Variants in MOXD1 observed in about 807,000 individuals in gnomAD.
MOXD1 encodes the protein monooxygenase DBH like 1, also known as DBH-like monooxygenase protein 1.
MOXD1 carries 62 observed loss-of-function variants against 66.6 expected under a neutral mutation model. The observed-to-expected ratio is 0.93, with a 90% confidence interval of 0.76 to 1.15. MOXD1 has a LOEUF of 1.15. Among genes scored for constraint, MOXD1 ranks in the 50% most tolerant of loss-of-function variants. MOXD1 has a pLI of 0.00. For missense variants in MOXD1, 847 were observed against 754.6 expected (o/e 1.12, Z -1.44); for synonymous variants, 303 against 281.9 (o/e 1.07, Z -0.75).
intron 4 of MOXD1, among the ~76,000 whole-genome samples, chr6:132,350,073 T>C (rs1775773345): frequency 6.6e-6 from 1 of 152,222 alleles, no homozygotes; most frequent in Admixed American, 6.5e-5. Flanking sequence ...ACTCTGTGGG[T>C]TGTCTGTTTA....
chr6:132,401,034 C>T (rs1424494876), intron 1 of MOXD1, 129 bp downstream of exon 1: 14 of 1,212,040 alleles, frequency 1.2e-5, no homozygotes, highest in Non-Finnish European at 1.5e-5. Context: ...GTGAGCGTGG[C>T]CGGGGGCGCG....
chr6:132,297,051 T>C lies in MOXD1; in HGVS notation c.*102A>G. The C allele has an allele frequency of 4.9e-6, 6 of 1,224,036 alleles. No individual in the cohort carries two copies. Among genetic ancestry groups the C allele is most frequent in the Non-Finnish European group, 5.7e-6 (5 of 877,390 alleles). 75.8% of individuals were successfully genotyped at this position (1,224,036 alleles called of 1,614,324 possible). A position where few individuals can be genotyped will look rare whatever the true frequency, so the allele number is the denominator to read the frequency against. On this transcript the variant is annotated 3_prime_UTR_variant, in exon 12 of 12. Coordinates refer to ENST00000367963, the MANE Select transcript of MOXD1 (RefSeq NM_015529.4). ...AGGGAGGGAAAATGGGGAAGAAAAG[T>C]CTCCACACTCTTCATGCCCAAAGTG...
At chr6:132,312,363 C>A (rs921062005) in intron 10 of MOXD1, among the ~76,000 whole-genome samples, 21 of 152,010 alleles carry the variant, frequency 1.4e-4, no homozygotes, top group Non-Finnish European at 2.1e-4. Context: ...ATGCTGAATA[C>A]CAATTGGTAA....
intron 8 of MOXD1, among the ~76,000 whole-genome samples, chr6:132,322,279 A>G (rs1026581441): frequency 6.6e-6 from 1 of 152,196 alleles, no homozygotes; most frequent in African/African-American, 2.4e-5. Flanking sequence ...TTTTTACTAA[A>G]ATGAAACTTC....
chr6:132,395,289 A>T (rs1011924199), intron 1 of MOXD1, among the ~76,000 whole-genome samples: 5 of 152,214 alleles, frequency 3.3e-5, no homozygotes, highest in African/African-American at 4.8e-5. Flanking sequence ...CCAGATCTAT[A>T]AGAAATGCCA....
chr6:132,320,148 T>A (rs912691793), intron 9 of MOXD1, among the ~76,000 whole-genome samples: 1 of 152,210 alleles, frequency 6.6e-6, no homozygotes, highest in African/African-American at 2.4e-5. Context: ...CCTCTTTTAG[T>A]GTTCCTGAAA....
At chr6:132,385,675 G>T (rs1001723765) in intron 1 of MOXD1, among the ~76,000 whole-genome samples, 1 of 151,778 alleles carries the variant, frequency 6.6e-6, no homozygotes, top group Non-Finnish European at 1.5e-5. Context: ...GTAGAGGCAG[G>T]GTTTCACCAT....
At chr6:132,336,831 G>A (rs967852170) in intron 4 of MOXD1, among the ~76,000 whole-genome samples, 24 of 152,168 alleles carry the variant, frequency 1.6e-4, no homozygotes, top group Admixed American at 1.3e-3. Flanking sequence ...ATTCTCATGC[G>A]TCTACCATCT....
intron 4 of MOXD1, among the ~76,000 whole-genome samples, chr6:132,355,004 G>A (rs1218696482): frequency 2.6e-5 from 4 of 152,042 alleles, no homozygotes; most frequent in Admixed American, 6.6e-5. Flanking sequence ...CTCCCATCAT[G>A]CCCCTCCCCC....
At chr6:132,328,791 C>T (rs964408519) in intron 4 of MOXD1, among the ~76,000 whole-genome samples, 197 bp from the exon 5 acceptor site, 2 of 152,130 alleles carry the variant, frequency 1.3e-5, no homozygotes, top group Non-Finnish European at 2.9e-5. Flanking sequence ...ATGACAACGG[C>T]AACAACAAAG....
rs1455368852 is a variant in MOXD1 at position 132,297,173 on chromosome 6, G to A, written c.1822C>T (p.Leu608=). 5 of 1,613,400 alleles carry A rather than the reference G, an allele frequency of 3.1e-6. No individual in the cohort carries two copies. Among genetic ancestry groups the A allele is most frequent in the Non-Finnish European group, 4.2e-6 (5 of 1,179,568 alleles). The change falls in exon 12 of 12, where the codon CTG becomes TTG. Residue 608 remains leucine, a synonymous_variant. Coordinates refer to ENST00000367963, the MANE Select transcript of MOXD1 (RefSeq NM_015529.4). ...TTTGATCACAAGCTCTTGGTGCTCA[G>A]CGTGCAGCTGAGTAGCAGAAGGCAA... ...LVCLLLLSCT[L]STKSL
chr6:132,330,732 A>T (rs1244492485), intron 4 of MOXD1, among the ~76,000 whole-genome samples: 1 of 152,188 alleles, frequency 6.6e-6, no homozygotes, highest in Non-Finnish European at 1.5e-5. Flanking sequence ...CAGCATGCAC[A>T]TTTACATGAA....
At chr6:132,375,687 T>C (rs1776365490) in intron 1 of MOXD1, among the ~76,000 whole-genome samples, 3 of 152,156 alleles carry the variant, frequency 2.0e-5, no homozygotes, top group Admixed American at 2.0e-4. Context: ...CCCAAAGTGC[T>C]GGGATTACAG....
chr6:132,399,090 A>G (rs967965411), intron 1 of MOXD1, among the ~76,000 whole-genome samples: 7 of 152,160 alleles, frequency 4.6e-5, no homozygotes, highest in South Asian at 2.1e-4. Context: ...TTCAGCCTGA[A>G]TAATAAAACT....
At chr6:132,355,676 A>G (rs1775897108) in intron 4 of MOXD1, among the ~76,000 whole-genome samples, 1 of 152,150 alleles carries the variant, frequency 6.6e-6, no homozygotes, top group African/African-American at 2.4e-5. Flanking sequence ...AAGAAGAGAG[A>G]GCCCAGGCAC....
At chr6:132,384,845 G>A (rs1299289873) in intron 1 of MOXD1, among the ~76,000 whole-genome samples, 2 of 152,184 alleles carry the variant, frequency 1.3e-5, no homozygotes, top group African/African-American at 4.8e-5. Context: ...GCCATTGTAG[G>A]GAGCTATAAG....
chr6:132,343,247 A>G (rs924943173), intron 4 of MOXD1, among the ~76,000 whole-genome samples: 3 of 152,212 alleles, frequency 2.0e-5, no homozygotes, highest in Non-Finnish European at 4.4e-5. Context: ...GTCAAAAAAC[A>G]AAATGGTGAA....
intron 2 of MOXD1, among the ~76,000 whole-genome samples, chr6:132,374,000 C>G (rs1398663057): frequency 6.6e-6 from 1 of 151,986 alleles, no homozygotes; most frequent in Non-Finnish European, 1.5e-5. Context: ...ATTTTTGAAG[C>G]TTTGATTTAC....
chr6:132,332,371 G>A (rs1418693000), intron 4 of MOXD1, among the ~76,000 whole-genome samples: 1 of 152,088 alleles, frequency 6.6e-6, no homozygotes, highest in Non-Finnish European at 1.5e-5. Flanking sequence ...TAGAAAGGAT[G>A]TGAGCAAAGA....
Sources: allele counts gnomAD v4.1 joint callset (sites outside exome capture counted in the v4.1 genomes callset), GRCh38; gene constraint gnomAD v4.1.1; transcripts MANE v1.5; gene names NCBI Gene and HGNC (gene_info 2026-07-23, HGNC 2026-07-21).